GPR84: variants seen among roughly 807,000 people sequenced by gnomAD.
GPR84 encodes G protein-coupled receptor 84.
In GPR84, 8 loss-of-function variants were observed where a neutral mutation model predicts 14.9. The ratio of observed to expected loss-of-function variants is 0.54; its 90% CI spans 0.31 to 0.97. The LOEUF is 0.97. GPR84 is among the 50% of genes least tolerant of loss of function. The pLI is 0.04. For synonymous variants in GPR84, 164 were observed against 198.1 expected (o/e 0.83, Z 1.45); for missense variants, 424 against 498.7 (o/e 0.85, Z 1.43).
downstream of GPR84, among the ~76,000 whole-genome samples, chr12:54,360,446 T>C (rs914029575): frequency 5.9e-5 from 9 of 152,152 alleles, no homozygotes; most frequent in African/African-American, 2.2e-4. Flanking sequence ...GAGCTAACTA[T>C]GAGAGAGCCT....
chr12:54,353,265 C>A, the GPR84 span, among the ~76,000 whole-genome samples: 1 of 152,202 alleles, frequency 6.6e-6, no homozygotes, highest in East Asian at 1.9e-4. Flanking sequence ...TCCTTGGTTT[C>A]TTTCTGTCTG....
chr12:54,362,604 TG>T lies in GPR84; in HGVS notation c.*56del. The T allele has an allele frequency of 1.8e-6, 2 of 1,112,356 alleles. No individual in the cohort carries two copies. Among genetic ancestry groups the T allele is most frequent in the Non-Finnish European group, 2.6e-6 (2 of 760,798 alleles). The allele number at this position is 1,112,356 out of a possible 1,614,324, so 68.9% of individuals were successfully genotyped here. On this transcript the variant is annotated 3_prime_UTR_variant, in exon 2 of 2. Transcript: ENST00000267015. The surrounding 1 kb of genome is among the most constrained non-coding windows in gnomAD (Gnocchi z 4.0). ...TTATTTCACCTATTCTCCTATTACC[TG>T]GCCACTTTGGTCCTGGAGGAGACAG...
In GPR84 at chr12:54,363,532, G is replaced by A; in HGVS notation, c.320C>T (p.Ser107Phe). 6.2e-7 allele frequency: 1 copy of A among 1,614,102 alleles called. No individual in the cohort carries two copies. The highest frequency in any genetic ancestry group is 1.3e-5 in the African/African-American group (1 of 75,056). Residue 107 changes from serine to phenylalanine, a missense_variant, in exon 2 of 2, where the codon TCC becomes TTC. Ser to Phe is a radical substitution (Grantham distance 155). Transcript: ENST00000267015. ...TGCGATGAGGCAGAGGGTCAGGATG[G>A]AGACAGAATTGGAGGCAAAAAGGAG... ...GLLLFASNSV[S>F]ILTLCLIALG...
the GPR84 span, among the ~76,000 whole-genome samples, chr12:54,355,612 C>G: frequency 6.6e-6 from 1 of 152,042 alleles, no homozygotes. Context: ...GCCCACCCCC[C>G]ATGCCTGCCC....
chr12:54,364,104 A>G (rs1954304186), intron 1 of GPR84: 1 of 416,920 alleles, frequency 2.4e-6, no homozygotes, highest in Non-Finnish European at 4.3e-6. Context: ...TCTTGCCTAA[A>G]TATCTTAGTC....
At position 54,363,175 on chromosome 12, in the gene GPR84, T is replaced by C; in HGVS notation, c.677A>G (p.His226Arg). The C allele has an allele frequency of 6.2e-7, 1 of 1,614,194 alleles. No homozygotes were observed. Among genetic ancestry groups the C allele is most frequent in the South Asian group, 1.1e-5 (1 of 91,086 alleles). The change falls in exon 2 of 2, where the codon CAT becomes CGT. Residue 226 changes from histidine to arginine, a missense_variant. Physicochemically the swap from His to Arg is conservative, Grantham distance 29. Transcript: ENST00000267015. ...CATGGCCTCATCAGTCCTGGCCACA[T>C]GGTTGGAGTGGATGCTTGCCTGTCG... ...KLRQASIHSN[H>R]VARTDEAMPG... is the part of the protein sequence containing the mutation.
At chr12:54,355,353 T>TGTGCGC in the GPR84 span, among the ~76,000 whole-genome samples, 8 of 151,422 alleles carry the variant, frequency 5.3e-5, no homozygotes, top group African/African-American at 1.9e-4. Context: ...TGTGTGTGTG[T>TGTGCGC]GCGCATGGCA....
At chr12:54,350,758 G>A in the GPR84 span, 2 of 575,584 alleles carry the variant, frequency 3.5e-6, no homozygotes, top group Non-Finnish European at 6.2e-6. Flanking sequence ...TAATAGGGCA[G>A]GGGAAGCACC....
downstream of GPR84, among the ~76,000 whole-genome samples, chr12:54,359,349 C>G (rs556003516): frequency 2.7e-5 from 4 of 150,282 alleles, no homozygotes; most frequent in African/African-American, 9.8e-5. Context: ...GACCATAAAT[C>G]TGCCTGTAAG....
At chr12:54,351,204 G>C in the GPR84 span, 1 of 152,508 alleles carries the variant, frequency 6.6e-6, no homozygotes, top group Non-Finnish European at 1.5e-5. Flanking sequence ...CAAAACTGCA[G>C]TGGCGAGTGT....
downstream of GPR84, among the ~76,000 whole-genome samples, chr12:54,360,646 C>T (rs1224417721): frequency 6.6e-6 from 1 of 152,138 alleles, no homozygotes; most frequent in African/African-American, 2.4e-5. Flanking sequence ...AAGTGTGTTG[C>T]ATGTGAGGGT....
the GPR84 span, chr12:54,351,734 A>G: frequency 6.6e-6 from 1 of 152,240 alleles, no homozygotes; most frequent in African/African-American, 2.4e-5. Context: ...GAGGTGGGGC[A>G]GATAACGGGG....
chr12:54,363,233 G>A lies in GPR84; in HGVS notation c.619C>T (p.Arg207Ter), dbSNP rs781497746. 1.3e-5 allele frequency: 21 copies of A among 1,614,086 alleles called. No individual in the cohort carries two copies. In the East Asian group the frequency reaches 1.6e-4, roughly 12 times the overall value. Residue 207 changes from arginine to a stop codon, truncating the protein, a stop_gained, in exon 2 of 2, where the codon CGA becomes TGA. Coordinates refer to ENST00000267015, the MANE Select transcript of GPR84 (RefSeq NM_020370.3). LOFTEE classifies it low-confidence loss of function (END_TRUNC). ...FYCLIHRQVK[R>*]AAQALDQYKL... ...TATTGGTCCAGTGCCTGTGCTGCTC[G>A]TTTGACCTGGCGGTGGATGAGGCAA...
Position 54,363,343 on chromosome 12 carries a change from A to G in GPR84, c.509T>C (p.Phe170Ser), listed in dbSNP as rs1954292608. 1.2e-6 allele frequency: 2 copies of G among 1,614,148 alleles called. No homozygotes were observed. The highest frequency in any genetic ancestry group is 1.7e-6 in the Non-Finnish European group (2 of 1,180,014). Residue 170 changes from phenylalanine to serine, a missense_variant, in exon 2 of 2, where the codon TTT becomes TCT. Physicochemically the swap from Phe to Ser is radical, Grantham distance 155. Coordinates refer to ENST00000267015, the MANE Select transcript of GPR84 (RefSeq NM_020370.3). ...ILVPVVCTCSFDRIRGRPYTT... is the reference protein window; with the variant it reads ...ILVPVVCTCSSDRIRGRPYTT... Reference sequence around the variant, plus strand: ...GTAAGGCCGGCCTCGGATGCGGTCAAAGCTGCAGGTGCAGACTACAGGTAC... The same window carrying G: ...GTAAGGCCGGCCTCGGATGCGGTCAGAGCTGCAGGTGCAGACTACAGGTAC...
At chr12:54,354,475 C>T in the GPR84 span, among the ~76,000 whole-genome samples, 1 of 152,032 alleles carries the variant, frequency 6.6e-6, no homozygotes, top group Non-Finnish European at 1.5e-5. Context: ...CTCTGTTGCC[C>T]AGGCTGGAGT....
In GPR84 at chr12:54,362,479, A is replaced by G. The variant is rs1954278979; in HGVS notation, c.*182T>C. The G allele has an allele frequency of 5.2e-6, 3 of 575,498 alleles. No individual in the cohort carries two copies. Among genetic ancestry groups the G allele is most frequent in the Non-Finnish European group, 6.3e-6 (2 of 317,480 alleles). The allele number at this position is 575,498 out of a possible 1,614,324, so 35.6% of individuals were successfully genotyped here. Reference sequence around the variant, plus strand: ...CAGAATTCATTTATTAATAATTAATAATACTCCTTGGGCAGTCTAGGGCTG... The same window carrying G: ...CAGAATTCATTTATTAATAATTAATGATACTCCTTGGGCAGTCTAGGGCTG... On this transcript the variant is annotated 3_prime_UTR_variant, in exon 2 of 2. Transcript: ENST00000267015. This position sits in a 1 kb window ranked among gnomAD's most constrained non-coding sequence, Gnocchi z 4.0.
chr12:54,364,297 A>G (rs902714262), intron 1 of GPR84, 96 bp downstream of exon 1: 2 of 157,454 alleles, frequency 1.3e-5, no homozygotes, highest in African/African-American at 4.8e-5. Flanking sequence ...CCTTTCCACT[A>G]CACACACATA....
downstream of GPR84, among the ~76,000 whole-genome samples, chr12:54,359,469 GA>G (rs34393204): frequency 1 from 148,139 of 148,632 alleles, 73,828 homozygotes; most frequent in Middle Eastern, 1. Context: ...GAGCTTAGGA[GA>G]AAAAAAAAGG....
In GPR84 at chr12:54,362,728, C is replaced by G. The variant is rs546291952; in HGVS notation, c.1124G>C (p.Arg375Pro). ...GGAGCCATATGCTTGGCGGAATTGGCGGTTCATGGCTGCATAGAGCACAGG... is the reference window on the plus strand; with the variant it reads ...GGAGCCATATGCTTGGCGGAATTGGGGGTTCATGGCTGCATAGAGCACAGG... ...INPVLYAAMN[R>P]QFRQAYGSIL... Residue 375 changes from arginine (R) to proline (P), a missense_variant, in exon 2 of 2, where the codon CGC (arginine) becomes CCC (proline). Transcript: ENST00000267015. This position sits in a 1 kb window ranked among gnomAD's most constrained non-coding sequence, Gnocchi z 4.0. 7 of 1,613,908 alleles carry G rather than the reference C, an allele frequency of 4.3e-6. No individual in the cohort carries two copies. In the African/African-American group the frequency reaches 5.3e-5, roughly 12 times the overall value.
Sources: allele counts gnomAD v4.1 joint callset (sites outside exome capture counted in the v4.1 genomes callset), GRCh38; gene constraint gnomAD v4.1.1; non-coding constraint Gnocchi (gnomAD v3.1); transcripts MANE v1.5; gene names NCBI Gene and HGNC (gene_info 2026-07-23, HGNC 2026-07-21).